The following SLC39A12 variants were observed in gnomAD, a reference collection of about 807,000 sequenced individuals.
The protein encoded by SLC39A12 is solute carrier family 39 member 12.
SLC39A12 carries 63 observed loss-of-function variants against 71.1 expected under a neutral mutation model. The observed-to-expected ratio is 0.89, with a 90% confidence interval of 0.72 to 1.09. SLC39A12 has a LOEUF of 1.09. Among genes scored for constraint, SLC39A12 ranks in the 50% least tolerant of loss-of-function variants. The pLI is 0.00. For synonymous variants in SLC39A12, 351 were observed against 301.3 expected (o/e 1.16, Z -1.71); for missense variants, 892 against 812.6 (o/e 1.10, Z -1.19).
chr10:18,012,034 T>C (rs1336308530), intron 12 of SLC39A12, among the ~76,000 whole-genome samples: 2 of 152,220 alleles, frequency 1.3e-5, no homozygotes, highest in Non-Finnish European at 2.9e-5. Context: ...ACAGCTATGT[T>C]AAGTTGTTTA....
intron 12 of SLC39A12, among the ~76,000 whole-genome samples, chr10:18,003,821 A>G (rs1284535986): frequency 6.6e-6 from 1 of 152,252 alleles, no homozygotes; most frequent in Non-Finnish European, 1.5e-5. Flanking sequence ...ATACAATGGA[A>G]AATAATTCAA....
rs1483758254 is a variant in SLC39A12, at chr10:17,987,649, C to T, written c.1267C>T (p.Gln423Ter). ...SGDALLHLIP[Q>*]VLGLHKQEAP... ...GGACGCTCTGCTCCACCTTATCCCT[C>T]AGGTAATCTGGTCTTTTCCATTTCA... Residue 423 changes from glutamine (Q) to a stop codon, truncating the protein, a stop_gained and splice_region_variant, in exon 7 of 13, where the codon CAG (glutamine) becomes TAG (stop). Transcript: ENST00000377369. LOFTEE classifies it high-confidence loss of function. The T allele has an allele frequency of 1.9e-6, 3 of 1,614,046 alleles. No homozygotes were observed. Among genetic ancestry groups the T allele is most frequent in the East Asian group, 2.2e-5 (1 of 44,884 alleles).
intron 4 of SLC39A12, among the ~76,000 whole-genome samples, chr10:17,977,023 A>G (rs895460239): frequency 1.2e-4 from 18 of 151,592 alleles, no homozygotes; most frequent in African/African-American, 4.4e-4. Flanking sequence ...ATTTCTGTTA[A>G]TCTATACTCA....
At chr10:18,024,836 A>C (rs1836629762) in intron 12 of SLC39A12, among the ~76,000 whole-genome samples, 1 of 152,202 alleles carries the variant, frequency 6.6e-6, no homozygotes, top group Non-Finnish European at 1.5e-5. Flanking sequence ...TGGAGTATTA[A>C]ATCATTTATC....
chr10:17,999,294 C>CAAAAAA (rs59734258), intron 10 of SLC39A12, among the ~76,000 whole-genome samples: 18 of 70,338 alleles, frequency 2.6e-4, no homozygotes, highest in East Asian at 4.4e-4. Context: ...GACTCCATCT[C>CAAAAAA]AAAAAAAAAA....
rs532177341 is a variant in SLC39A12, at chr10:18,043,128, T to A, written c.*295T>A. On this transcript the variant is annotated 3_prime_UTR_variant, in exon 13 of 13. Transcript: ENST00000377369. ...ATTTTAGTAAACTTTAAAAAATAGA[T>A]TTTTTCCCTAAGAAAGAATGTTTGT... 2 of 169,438 alleles carry A rather than the reference T, an allele frequency of 1.2e-5. No homozygotes were observed. The highest frequency in any genetic ancestry group is 1.8e-4 in the South Asian group (1 of 5,414). The allele number at this position is 169,438 out of a possible 1,614,324, so 10.5% of individuals were successfully genotyped here.
chr10:17,974,864 A>G (rs1173129740), intron 4 of SLC39A12, among the ~76,000 whole-genome samples: 10 of 152,208 alleles, frequency 6.6e-5, no homozygotes, highest in Admixed American at 5.9e-4. Context: ...AAGTTACCCC[A>G]GTTCCCAGGC....
chr10:17,991,363 C>T, intron 8 of SLC39A12, 60 bp downstream of exon 8: 3 of 1,365,770 alleles, frequency 2.2e-6, no homozygotes, highest in Non-Finnish European at 2.9e-6. Flanking sequence ...TTCATCTGTT[C>T]CTTCACAAGT....
chr10:18,042,761 A>C lies in SLC39A12; in HGVS notation c.2004A>C (p.Gln668His). The C allele has an allele frequency of 1.2e-6, 2 of 1,613,564 alleles. No individual in the cohort carries two copies. The highest frequency in any genetic ancestry group is 2.2e-5 in the South Asian group (2 of 91,018). ...GACCCTGGATGATGTTTCTCCTGCA[A>C]AACTTTGGATTGATCCTAGGTTGGC... ...TQRPWMMFLLQNFGLILGWLS... is the reference protein window; with the variant it reads ...TQRPWMMFLLHNFGLILGWLS... The change falls in exon 13 of 13, where the codon CAA becomes CAC. Residue 668 changes from glutamine to histidine, a missense_variant. Coordinates refer to ENST00000377369, the MANE Select transcript of SLC39A12 (RefSeq NM_001145195.2).
intron 12 of SLC39A12, among the ~76,000 whole-genome samples, chr10:18,037,601 G>A (rs966984643): frequency 6.8e-6 from 1 of 147,876 alleles, no homozygotes; most frequent in Non-Finnish European, 1.5e-5. Context: ...AGAAGTAAAA[G>A]GGGGGAAATA....
Position 18,010,417 on chromosome 10 carries a change from G to A in SLC39A12, c.1947+7059G>A, listed in dbSNP as rs973493658. ...ATTGGCATCATTTTAAATATCCTTT[G>A]GCTGAGAAAGAAATAGCAAGCATTC... On this transcript the variant is annotated intron_variant, in intron 12 of 12. Transcript: ENST00000377369. 4 of 152,080 alleles carry A rather than the reference G, an allele frequency of 2.6e-5. No homozygotes were observed. The East Asian group carries it at 5.8e-4, about 22-fold the overall frequency. The allele number at this position is 152,080 out of a possible 1,614,324, so 9.4% of individuals were successfully genotyped here. A position where few individuals can be genotyped will look rare whatever the true frequency, so the allele number is the denominator to read the frequency against.
chr10:17,955,010 A>T (rs890181587), intron 2 of SLC39A12, among the ~76,000 whole-genome samples: 2 of 152,204 alleles, frequency 1.3e-5, no homozygotes, highest in Non-Finnish European at 2.9e-5. Context: ...TGACATTAAT[A>T]TATATAGATG....
At chr10:17,953,690 G>A (rs782272189) in intron 2 of SLC39A12, among the ~76,000 whole-genome samples, 153 bp downstream of exon 2, 3 of 152,196 alleles carry the variant, frequency 2.0e-5, no homozygotes, top group Non-Finnish European at 4.4e-5. Flanking sequence ...CCATATTTGG[G>A]ATACAGCAAA....
At chr10:18,036,878 C>A (rs928571750) in intron 12 of SLC39A12, among the ~76,000 whole-genome samples, 1 of 149,020 alleles carries the variant, frequency 6.7e-6, no homozygotes. Context: ...CCTCCGCCTC[C>A]CAGGTTTAAA....
intron 9 of SLC39A12, among the ~76,000 whole-genome samples, chr10:17,993,660 G>A (rs1272158276): frequency 6.6e-6 from 1 of 152,222 alleles, no homozygotes; most frequent in Middle Eastern, 3.2e-3. Context: ...CAGATGTGGA[G>A]CAAGGGATTA....
intron 4 of SLC39A12, among the ~76,000 whole-genome samples, chr10:17,976,016 C>T (rs776867905): frequency 5.9e-5 from 9 of 152,180 alleles, no homozygotes; most frequent in Middle Eastern, 3.2e-3. Context: ...GAGATGCTCT[C>T]TGCACCACAC....
intron 7 of SLC39A12, among the ~76,000 whole-genome samples, chr10:17,988,315 G>A (rs1327407553): frequency 1.3e-5 from 2 of 152,028 alleles, no homozygotes; most frequent in Non-Finnish European, 2.9e-5. Flanking sequence ...CTCAGAAAAA[G>A]TTGTCATTCA....
At chr10:18,040,873 A>T (rs777537271) in intron 12 of SLC39A12, among the ~76,000 whole-genome samples, 3 of 151,802 alleles carry the variant, frequency 2.0e-5, no homozygotes, top group Non-Finnish European at 4.4e-5. Context: ...TCTCTACTGG[A>T]GGTGATTTTT....
intron 10 of SLC39A12, among the ~76,000 whole-genome samples, chr10:17,998,541 C>T (rs1392464849): frequency 4.6e-5 from 7 of 151,874 alleles, no homozygotes; most frequent in African/African-American, 1.7e-4. Flanking sequence ...ATAAGAACTC[C>T]CTGAATTCAA....
Sources: allele counts gnomAD v4.1 joint callset (sites outside exome capture counted in the v4.1 genomes callset), GRCh38; gene constraint gnomAD v4.1.1; transcripts MANE v1.5; gene names NCBI Gene and HGNC (gene_info 2026-07-23, HGNC 2026-07-21).